The following CADM1 variants were observed in gnomAD, a reference collection of about 807,000 sequenced individuals.
CADM1 encodes TSLC-1.
In CADM1, 15 loss-of-function variants were observed where a neutral mutation model predicts 53.1. The observed-to-expected ratio is 0.28, with a 90% CI of 0.19 to 0.44. The LOEUF is 0.44. Among genes scored for constraint, CADM1 ranks in the 20% least tolerant of loss-of-function variants. The pLI is 1.00. For missense variants in CADM1, 434 were observed against 611.3 expected, an observed-to-expected ratio of 0.71 and a Z score of 3.06; for synonymous variants, 281 against 243.0, an observed-to-expected ratio of 1.16 and a Z score of -1.45.
chr11:115,198,386 A>G lies in CADM1; in HGVS notation c.1111+20T>C, dbSNP rs1356781302. 7 of 1,586,118 alleles carry G rather than the reference A, an allele frequency of 4.4e-6. No homozygotes were observed. The highest frequency in any genetic ancestry group is 1.1e-5 in the South Asian group (1 of 89,190). ...CTCAGCAGTGCTGAGAAAGTAGATA[A>G]ACAGTAATGTGATACCAACCGTGAA... On this transcript the variant is annotated intron_variant, in intron 9 of 11. Coordinates refer to ENST00000331581, the MANE Select transcript of CADM1 (RefSeq NM_001301043.2).
intron 1 of CADM1, among the ~76,000 whole-genome samples, chr11:115,313,011 G>T (rs141432917): frequency 6.8e-4 from 102 of 150,912 alleles, no homozygotes; most frequent in African/African-American, 2.4e-3. Context: ...TAGATCCTTG[G>T]AGAAAAAAAA....
intron 1 of CADM1, among the ~76,000 whole-genome samples, chr11:115,375,869 A>G (rs1489316592): frequency 6.6e-6 from 1 of 152,180 alleles, no homozygotes; most frequent in Non-Finnish European, 1.5e-5. Flanking sequence ...CTCAACTTAC[A>G]ATATTAAATT....
chr11:115,294,991 A>G (rs941747979), intron 1 of CADM1, among the ~76,000 whole-genome samples: 25 of 152,248 alleles, frequency 1.6e-4, no homozygotes, highest in Admixed American at 2.6e-4. Context: ...GTGAGCCGAG[A>G]TCACGCCACT....
chr11:115,414,386 C>T (rs1306312832), intron 1 of CADM1, among the ~76,000 whole-genome samples: 2 of 152,014 alleles, frequency 1.3e-5, no homozygotes, highest in Non-Finnish European at 2.9e-5. Context: ...AAATTAATCC[C>T]CACCCAAATT....
chr11:115,188,629 G>A (rs547267239), intron 10 of CADM1, among the ~76,000 whole-genome samples: 5 of 152,264 alleles, frequency 3.3e-5, no homozygotes, highest in Admixed American at 2.0e-4. Context: ...TGATGCAGCA[G>A]GGAATGGATG....
intron 1 of CADM1, among the ~76,000 whole-genome samples, chr11:115,413,232 A>G (rs1947501658): frequency 6.6e-6 from 1 of 152,202 alleles, no homozygotes; most frequent in African/African-American, 2.4e-5. Context: ...AGTTTTTTAT[A>G]TATCATTCAA....
intron 1 of CADM1, among the ~76,000 whole-genome samples, chr11:115,472,162 T>C (rs1416070930): frequency 2.6e-5 from 4 of 152,194 alleles, no homozygotes; most frequent in Non-Finnish European, 5.9e-5. Flanking sequence ...GGTTGCTTAT[T>C]TGTGAGGATG....
intron 1 of CADM1, among the ~76,000 whole-genome samples, chr11:115,435,001 C>T (rs1265122455): frequency 6.6e-6 from 1 of 151,740 alleles, no homozygotes; most frequent in Non-Finnish European, 1.5e-5. Flanking sequence ...GCTGGGATTA[C>T]AGGCGTGTAC....
intron 1 of CADM1, among the ~76,000 whole-genome samples, chr11:115,353,251 G>A (rs1233943275): frequency 6.6e-6 from 1 of 152,162 alleles, no homozygotes; most frequent in East Asian, 1.9e-4. Context: ...TACTGGTGAT[G>A]AATGACCCAT....
At chr11:115,328,289 T>C (rs979417673) in intron 1 of CADM1, among the ~76,000 whole-genome samples, 2 of 152,154 alleles carry the variant, frequency 1.3e-5, no homozygotes, top group Non-Finnish European at 2.9e-5. Context: ...TGTTCATTAC[T>C]GCATGCTAAT....
intron 1 of CADM1, among the ~76,000 whole-genome samples, chr11:115,429,296 G>A (rs1415954527): frequency 6.6e-6 from 1 of 152,090 alleles, no homozygotes; most frequent in Non-Finnish European, 1.5e-5. Context: ...CAGTCTATAT[G>A]CAACATATAT....
chr11:115,341,358 T>C (rs1342864597), intron 1 of CADM1, among the ~76,000 whole-genome samples: 1 of 152,152 alleles, frequency 6.6e-6, no homozygotes, highest in South Asian at 2.1e-4. Flanking sequence ...CAGTAAACAA[T>C]TAGTAATGAC....
chr11:115,302,878 A>C (rs1046684608), intron 1 of CADM1, among the ~76,000 whole-genome samples: 3 of 152,116 alleles, frequency 2.0e-5, no homozygotes, highest in African/African-American at 7.2e-5. Flanking sequence ...TGAGTGGAGC[A>C]ATGTTGCCAT....
chr11:115,488,615 T>C (rs1949428716), intron 1 of CADM1, among the ~76,000 whole-genome samples: 2 of 152,206 alleles, frequency 1.3e-5, no homozygotes, highest in Admixed American at 6.5e-5. Flanking sequence ...AAGGTAATGT[T>C]AGCAAACACA....
chr11:115,486,998 G>A (rs750814357), intron 1 of CADM1, among the ~76,000 whole-genome samples: 5 of 152,138 alleles, frequency 3.3e-5, no homozygotes, highest in Admixed American at 3.3e-4. Flanking sequence ...ACCCCAAGGA[G>A]AATACGAAGA....
intron 1 of CADM1, among the ~76,000 whole-genome samples, chr11:115,258,003 A>T (rs1296945028): frequency 6.6e-6 from 1 of 152,182 alleles, no homozygotes; most frequent in East Asian, 1.9e-4. Context: ...AATCTAATTG[A>T]ATCCTTTACC....
At position 115,204,462 on chromosome 11, in the gene CADM1, C is replaced by T. The variant is rs187642102; in HGVS notation, c.1078+5112G>A. Among the ~76,000 whole-genome samples, 247 of 152,292 alleles carry T rather than the reference C, an allele frequency of 1.6e-3. 1 individual carries two copies. Among genetic ancestry groups the T allele is most frequent in the Middle Eastern group, 0.014 (4 of 294 alleles). Reference sequence around the variant, plus strand: ...ATTTTGTCTCCATAAGCACTAGCATCGTGCTGTACATATTATGGGCACTCA... The same window carrying T: ...ATTTTGTCTCCATAAGCACTAGCATTGTGCTGTACATATTATGGGCACTCA... On this transcript the variant is annotated intron_variant, in intron 8 of 11. Coordinates refer to ENST00000331581, the MANE Select transcript of CADM1 (RefSeq NM_001301043.2).
intron 8 of CADM1, among the ~76,000 whole-genome samples, chr11:115,206,758 C>CTTTTTTTTTTTT (rs56270694): frequency 0.016 from 630 of 38,222 alleles, 268 homozygotes; most frequent in East Asian, 0.024. Flanking sequence ...CTGTGGACTT[C>CTTTTTTTTTTTT]TTTTTTTTTT....
intron 1 of CADM1, among the ~76,000 whole-genome samples, chr11:115,309,851 T>C (rs920490675): frequency 6.6e-6 from 1 of 152,168 alleles, no homozygotes; most frequent in Non-Finnish European, 1.5e-5. Flanking sequence ...TCTATGTGCA[T>C]AGCATGGTGC....
Sources: allele counts gnomAD v4.1 joint callset (sites outside exome capture counted in the v4.1 genomes callset), GRCh38; gene constraint gnomAD v4.1.1; transcripts MANE v1.5; gene names NCBI Gene and HGNC (gene_info 2026-07-23, HGNC 2026-07-21).